RBFOX1: variants seen among roughly 807,000 people sequenced by gnomAD.
RBFOX1 encodes RNA binding fox-1 homolog 1.
RBFOX1 carries 8 observed loss-of-function variants against 57.7 expected under a neutral mutation model. That is an observed-to-expected ratio of 0.14 (90% CI 0.08 to 0.25). The LOEUF (loss-of-function observed/expected upper bound fraction) is 0.25, where lower values mean the gene tolerates loss of function less well. Among genes scored for constraint, RBFOX1 ranks in the 10% least tolerant of loss-of-function variants. The pLI, the probability that RBFOX1 is intolerant of heterozygous loss-of-function variation, is 1.00. For synonymous variants in RBFOX1, 326 were observed against 222.4 expected, an observed-to-expected ratio of 1.47 and a Z score of -4.15; for missense variants, 611 against 548.5, an observed-to-expected ratio of 1.11 and a Z score of -1.14.
At chr16:6,795,434 T>C (rs190862944) in intron 3 of RBFOX1, among the ~76,000 whole-genome samples, 1 of 152,148 alleles carries the variant, frequency 6.6e-6, no homozygotes, top group South Asian at 2.1e-4. Context: ...AATTCCCATT[T>C]TTTTTAAGTT....
chr16:5,666,089 G>T (rs763431137), intron 3 of RBFOX1, among the ~76,000 whole-genome samples: 2 of 152,228 alleles, frequency 1.3e-5, no homozygotes, highest in Non-Finnish European at 2.9e-5. Flanking sequence ...CAGAGAGCAA[G>T]GATGCCCCCA....
chr16:7,382,056 C>T (rs189355328), intron 4 of RBFOX1, among the ~76,000 whole-genome samples: 1 of 152,198 alleles, frequency 6.6e-6, no homozygotes. Context: ...ATTTATAAAT[C>T]AGTTGGAAGT....
chr16:7,134,131 A>G (rs372140284), intron 4 of RBFOX1, among the ~76,000 whole-genome samples: 1 of 152,196 alleles, frequency 6.6e-6, no homozygotes, highest in Admixed American at 6.5e-5. Flanking sequence ...TACAATAGCG[A>G]TCATAAAAAC....
At chr16:5,349,938 C>G (rs936534073) in intron 1 of RBFOX1, among the ~76,000 whole-genome samples, 1 of 152,306 alleles carries the variant, frequency 6.6e-6, no homozygotes, top group South Asian at 2.1e-4. Context: ...CTTCCCAGCA[C>G]AAGGCATTTC....
chr16:7,372,654 C>A (rs757460432), intron 4 of RBFOX1, among the ~76,000 whole-genome samples: 8 of 151,896 alleles, frequency 5.3e-5, no homozygotes, highest in East Asian at 1.9e-4. Context: ...AGCCTGTGTC[C>A]CCAGTATTCT....
intron 4 of RBFOX1, among the ~76,000 whole-genome samples, chr16:7,083,368 G>C (rs1244899125): frequency 6.6e-6 from 1 of 152,022 alleles, no homozygotes; most frequent in Non-Finnish European, 1.5e-5. Flanking sequence ...TGTTCAAGCA[G>C]GTGGGAGAAT....
chr16:6,864,009 A>C (rs1280593136), intron 3 of RBFOX1, among the ~76,000 whole-genome samples: 1 of 122,386 alleles, frequency 8.2e-6, no homozygotes, highest in Non-Finnish European at 1.7e-5. Context: ...TTTTTTGTTG[A>C]GATTATGCCT....
chr16:5,868,734 C>T (rs1460922137), intron 4 of RBFOX1, among the ~76,000 whole-genome samples: 1 of 152,142 alleles, frequency 6.6e-6, no homozygotes, highest in Non-Finnish European at 1.5e-5. Flanking sequence ...ACCTATGTCC[C>T]CATGATCTTG....
intron 1 of RBFOX1, among the ~76,000 whole-genome samples, chr16:5,340,867 G>C (rs2065016945): frequency 1.3e-5 from 2 of 152,164 alleles, no homozygotes; most frequent in African/African-American, 4.8e-5. Flanking sequence ...TCCAGACAGT[G>C]ATGAGGACTC....
Position 6,786,181 on chromosome 16 carries a change from C to T in RBFOX1, c.-16+131531C>T, listed in dbSNP as rs79348684. On this transcript the variant is annotated intron_variant, in intron 3 of 15. Coordinates refer to ENST00000550418, the MANE Select transcript of RBFOX1 (RefSeq NM_018723.4). Reference sequence around the variant, plus strand: ...GGGGCCAGGCGAAGATTCCCATGACCCTGTTGACTCCTCATTCCTTGGGGA... The same window carrying T: ...GGGGCCAGGCGAAGATTCCCATGACTCTGTTGACTCCTCATTCCTTGGGGA... 4.8e-3 allele frequency among the ~76,000 whole-genome samples: 730 copies of T among 152,232 alleles called. 11 individuals carry two copies. The highest frequency in any genetic ancestry group is 0.017 in the African/African-American group (691 of 41,526).
intron 1 of RBFOX1, among the ~76,000 whole-genome samples, chr16:5,381,180 G>A (rs989095893): frequency 1.2e-4 from 18 of 152,194 alleles, no homozygotes; most frequent in African/African-American, 4.1e-4. Context: ...GTATTTGACA[G>A]CCTGGTCTTT....
At chr16:6,584,205 A>C (rs1259905883) in intron 2 of RBFOX1, among the ~76,000 whole-genome samples, 1 of 151,868 alleles carries the variant, frequency 6.6e-6, no homozygotes, top group African/African-American at 2.4e-5. Context: ...AACAAAGGGA[A>C]GTCTTGTAGA....
chr16:6,660,934 G>C (rs190814698), intron 3 of RBFOX1, among the ~76,000 whole-genome samples: 65 of 152,188 alleles, frequency 4.3e-4, no homozygotes, highest in Non-Finnish European at 3.1e-4. Context: ...CCTTGGTGTA[G>C]GTCAGGAAAT....
chr16:7,165,352 T>G (rs1190197360), intron 4 of RBFOX1, among the ~76,000 whole-genome samples: 1 of 146,638 alleles, frequency 6.8e-6, no homozygotes, highest in East Asian at 2.0e-4. Context: ...AAAATGGACT[T>G]AATGGCTACT....
intron 3 of RBFOX1, among the ~76,000 whole-genome samples, chr16:6,709,433 A>G (rs1355161378): frequency 6.6e-6 from 1 of 152,140 alleles, no homozygotes; most frequent in Non-Finnish European, 1.5e-5. Flanking sequence ...AAATACTGAG[A>G]ACGTTAAGTT....
chr16:7,028,373 C>T (rs548442779), intron 3 of RBFOX1, among the ~76,000 whole-genome samples: 2 of 152,004 alleles, frequency 1.3e-5, no homozygotes, highest in African/African-American at 4.8e-5. Flanking sequence ...TGGATTTTAT[C>T]TCTCTGATGC....
At chr16:6,670,007 G>C (rs146343205) in intron 3 of RBFOX1, among the ~76,000 whole-genome samples, 2 of 151,580 alleles carry the variant, frequency 1.3e-5, no homozygotes, top group Admixed American at 1.3e-4. Context: ...ATCTCTGTCT[G>C]TCTATCTATC....
intron 1 of RBFOX1, among the ~76,000 whole-genome samples, chr16:5,354,866 G>A (rs1378914639): frequency 6.6e-6 from 1 of 152,248 alleles, no homozygotes; most frequent in Non-Finnish European, 1.5e-5. Flanking sequence ...GGCAGCTGTG[G>A]AGGGTGTTGG....
chr16:6,054,459 C>A (rs988764388), intron 1 of RBFOX1, among the ~76,000 whole-genome samples: 3 of 152,130 alleles, frequency 2.0e-5, no homozygotes, highest in Non-Finnish European at 2.9e-5. Flanking sequence ...CCTGTCTTTC[C>A]CACTTGACAG....
Sources: allele counts gnomAD v4.1 joint callset (sites outside exome capture counted in the v4.1 genomes callset), GRCh38; gene constraint gnomAD v4.1.1; transcripts MANE v1.5; gene names NCBI Gene and HGNC (gene_info 2026-07-23, HGNC 2026-07-21).